ART3: variants seen among roughly 807,000 people sequenced by gnomAD.
ART3 encodes the protein ecto-ADP-ribosyltransferase 3.
Under a neutral mutation model 48.5 loss-of-function variants are expected in ART3, and 49 were observed. The ratio of observed to expected loss-of-function variants is 1.01; its 90% confidence interval spans 0.80 to 1.28. ART3 has a LOEUF of 1.28. Among genes scored for constraint, ART3 ranks in the 50% most tolerant of loss-of-function variants. ART3 has a pLI of 0.00. For missense variants in ART3, 438 were observed against 454.3 expected (o/e 0.96, Z 0.33); for synonymous variants, 145 against 157.2 (o/e 0.92, Z 0.58).
chr4:76,098,656 G>A (rs553719752), intron 4 of ART3, among the ~76,000 whole-genome samples: 160 of 152,244 alleles, frequency 1.1e-3, no homozygotes, highest in African/African-American at 3.6e-3. Context: ...CTACTTGGGC[G>A]GCTGAAGCAA....
intron 3 of ART3, among the ~76,000 whole-genome samples, chr4:76,082,977 A>G (rs1035705547): frequency 1.3e-5 from 2 of 152,170 alleles, no homozygotes; most frequent in East Asian, 3.9e-4. Context: ...TAAGGCTTAC[A>G]ATAAATAAAT....
intron 1 of ART3, among the ~76,000 whole-genome samples, chr4:76,051,833 T>C (rs1018857931): frequency 6.6e-6 from 1 of 150,822 alleles, no homozygotes; most frequent in African/African-American, 2.5e-5. Flanking sequence ...TAAGCCACTG[T>C]ACCTGGCTGA....
intron 1 of ART3, among the ~76,000 whole-genome samples, chr4:76,044,837 C>T (rs549291260): frequency 5.3e-5 from 8 of 151,990 alleles, no homozygotes; most frequent in Non-Finnish European, 1.2e-4. Flanking sequence ...TTTTGATGGC[C>T]TTGGTAGTGT....
chr4:76,101,167 C>T (rs1727230796), intron 8 of ART3, 148 bp downstream of exon 8: 1 of 892,134 alleles, frequency 1.1e-6, no homozygotes, highest in African/African-American at 1.7e-5. Flanking sequence ...AGAGACTCTC[C>T]TGGGTTTCAG....
At chr4:76,085,914 A>T (rs1419905404) in intron 3 of ART3, among the ~76,000 whole-genome samples, 2 of 152,142 alleles carry the variant, frequency 1.3e-5, no homozygotes, top group African/African-American at 4.8e-5. Flanking sequence ...TCTACTAAAA[A>T]TACAAAAATT....
intron 3 of ART3, among the ~76,000 whole-genome samples, chr4:76,094,945 A>G (rs560264946): frequency 1.1e-4 from 16 of 152,314 alleles, no homozygotes; most frequent in African/African-American, 3.6e-4. Context: ...TTGCCTTTGT[A>G]TTTCAAATTA....
intron 1 of ART3, chr4:76,021,612 C>T: frequency 3.1e-6 from 1 of 320,976 alleles, no homozygotes; most frequent in Non-Finnish European, 5.7e-6. Context: ...TTCCTTAGTA[C>T]CCTTGGAAGA....
intron 1 of ART3, chr4:76,035,141 G>C: frequency 5.0e-6 from 8 of 1,613,234 alleles, no homozygotes; most frequent in Non-Finnish European, 5.1e-6. Flanking sequence ...ACATACAAGA[G>C]TCTTAAAGTT....
In ART3 at chr4:76,082,364, T is replaced by C; in HGVS notation, c.610T>C (p.Tyr204His). ...TGACCAGCTCACTGTGTTATCCATCTACACATGCCTTGGAGTTGACATTGA... is the reference window on the plus strand; with the variant it reads ...TGACCAGCTCACTGTGTTATCCATCCACACATGCCTTGGAGTTGACATTGA... The part of the protein sequence containing the change: ...ANDQLTVLSI[Y>H]TCLGVDIENF... Residue 204 changes from tyrosine (Y) to histidine (H), a missense_variant, in exon 3 of 12, where the codon TAC becomes CAC. Tyr to His is a moderately conservative substitution (Grantham distance 83). Transcript: ENST00000355810. 6.2e-7 allele frequency: 1 copy of C among 1,614,232 alleles called. No homozygotes were observed. Among genetic ancestry groups the C allele is most frequent in the Non-Finnish European group, 8.5e-7 (1 of 1,180,040 alleles).
At chr4:76,092,577 T>C (rs1725138336) in intron 3 of ART3, among the ~76,000 whole-genome samples, 1 of 152,228 alleles carries the variant, frequency 6.6e-6, no homozygotes, top group Non-Finnish European at 1.5e-5. Flanking sequence ...TTTATCATAC[T>C]TATTTGGACC....
chr4:76,063,719 T>TA (rs1188355817), intron 1 of ART3, among the ~76,000 whole-genome samples: 1 of 152,138 alleles, frequency 6.6e-6, no homozygotes, highest in Non-Finnish European at 1.5e-5. Context: ...CTAAAAGTAA[T>TA]ATAAAGCCTG....
intron 3 of ART3, 38 bp downstream of exon 3, chr4:76,082,573 A>G (rs777059166): frequency 1.3e-6 from 2 of 1,496,788 alleles, no homozygotes; most frequent in South Asian, 1.3e-5. Flanking sequence ...CTGGGAGGGA[A>G]GGAGTGGGAT....
chr4:76,053,128 G>A (rs182692300), intron 1 of ART3, among the ~76,000 whole-genome samples: 1 of 152,252 alleles, frequency 6.6e-6, no homozygotes, highest in African/African-American at 2.4e-5. Context: ...CAGTGATTAA[G>A]GATTTGAAAA....
chr4:76,080,963 T>C (rs1342765634), intron 2 of ART3, among the ~76,000 whole-genome samples: 1 of 152,222 alleles, frequency 6.6e-6, no homozygotes, highest in Non-Finnish European at 1.5e-5. Flanking sequence ...TCTTATGTTA[T>C]GTGAACATAT....
rs772315450 is a variant in ART3 at position 76,082,536 on chromosome 4, G to T, written c.781+1G>T. The T allele has an allele frequency of 7.7e-6, 12 of 1,566,018 alleles. No individual in the cohort carries two copies. In the Admixed American group the frequency reaches 1.8e-4, roughly 23 times the overall value. On this transcript the variant is annotated splice_donor_variant, in intron 3 of 11. Transcript: ENST00000355810. LOFTEE classifies it high-confidence loss of function. ...CATTATGAGTGTGCATTTCTAGGTG[G>T]TAAGTGTCTGCTCTGTCTGTGCTTG...
At chr4:76,022,926 T>A (rs1733003146) in intron 1 of ART3, 1 of 1,084,556 alleles carries the variant, frequency 9.2e-7, no homozygotes, top group Non-Finnish European at 1.3e-6. Context: ...CAGCAAATAG[T>A]CACTTAATCT....
chr4:76,063,134 A>G (rs1719395215), intron 1 of ART3, among the ~76,000 whole-genome samples: 3 of 151,926 alleles, frequency 2.0e-5, no homozygotes, highest in Non-Finnish European at 4.4e-5. Context: ...TATTATTTTC[A>G]TTGTTTATTG....
chr4:76,037,082 G>GGTGGCCA (rs1464314376), intron 1 of ART3: 7 of 157,138 alleles, frequency 4.5e-5, no homozygotes, highest in Non-Finnish European at 8.5e-5. Flanking sequence ...GCCCTCCAAT[G>GGTGGCCA]GTGGCCATGG....
chr4:76,075,323 G>A (rs1238526235), intron 1 of ART3: 1 of 152,394 alleles, frequency 6.6e-6, no homozygotes, highest in Non-Finnish European at 1.5e-5. Flanking sequence ...TTGTATTTGG[G>A]GGAAGGGGGC....
Sources: gnomAD v4.1 joint callset for allele counts (sites outside exome capture counted in the v4.1 genomes callset) on GRCh38, gnomAD v4.1.1 for gene constraint, MANE v1.5 for transcripts, NCBI Gene and HGNC (gene_info 2026-07-23, HGNC 2026-07-21) for gene names.